Variants in ERG observed in about 807,000 individuals in gnomAD.
ERG encodes the protein ETS transcription factor ERG, also known as transcriptional regulator ERG.
In ERG, 9 loss-of-function variants were observed where a neutral mutation model predicts 55.3. That is an observed-to-expected ratio of 0.16 (90% CI 0.10 to 0.28). ERG has a LOEUF of 0.28. Ranked by LOEUF, ERG falls within the 10% of genes least tolerant of loss-of-function variation. The probability of loss-of-function intolerance (pLI) is 1.00; values close to 1 mark genes in which losing one functional copy is unlikely to be tolerated. For synonymous variants in ERG, 223 were observed against 237.3 expected (o/e 0.94, Z 0.55); for missense variants, 434 against 631.6 (o/e 0.69, Z 3.35).
At chr21:38,372,482 A>G in the ERG span, among the ~76,000 whole-genome samples, 78 of 151,982 alleles carry the variant, frequency 5.1e-4, no homozygotes, top group African/African-American at 1.9e-3. Context: ...ATTTAGGACT[A>G]TAAATTTCTA....
rs915901876 is a variant in ERG, at chr21:38,380,215, C to T, written c.*3188G>A. On this transcript the variant is annotated 3_prime_UTR_variant, in exon 10 of 10. Coordinates refer to ENST00000288319, the MANE Select transcript of ERG (RefSeq NM_182918.4). ...CTGTGCTTTCCCTGTGCCCCATCAC[C>T]TTCCCAGCTCCTGAGCTGTAGCCAT... 1 of 1,051,936 alleles carries T rather than the reference C, an allele frequency of 9.5e-7. No homozygotes were observed. Among genetic ancestry groups the T allele is most frequent in the Non-Finnish European group, 1.1e-6 (1 of 870,988 alleles). 65.2% of individuals were successfully genotyped at this position (1,051,936 alleles called of 1,614,324 possible).
chr21:38,462,462 C>T (rs181660502), intron 1 of ERG, among the ~76,000 whole-genome samples: 1 of 152,238 alleles, frequency 6.6e-6, no homozygotes, highest in African/African-American at 2.4e-5. Context: ...AGGTTTTAAG[C>T]TTGGCTAGGA....
chr21:38,533,858 A>G (rs565862676), intron 2 of ERG, among the ~76,000 whole-genome samples: 3 of 152,180 alleles, frequency 2.0e-5, no homozygotes, highest in Non-Finnish European at 4.4e-5. Context: ...CACAGTTTTT[A>G]TCCTCTTAAA....
At chr21:38,596,619 C>G (rs1568939283) in intron 1 of ERG, among the ~76,000 whole-genome samples, 1 of 152,216 alleles carries the variant, frequency 6.6e-6, no homozygotes, top group Non-Finnish European at 1.5e-5. Context: ...AATTCAACTA[C>G]ACAGGTACAT....
At chr21:38,568,912 C>A (rs1443696421) in intron 2 of ERG, among the ~76,000 whole-genome samples, 1 of 152,182 alleles carries the variant, frequency 6.6e-6, no homozygotes, top group Non-Finnish European at 1.5e-5. Context: ...CAGGAAGATC[C>A]TCTGCCAGGA....
rs201152530 is a variant in ERG, at chr21:38,445,538, G to T, written c.102C>A (p.Thr34=). ...GTCCATAGTCGCTGGAGGAGGACGC[G>T]GTCATCTCTGTCTTAGCCAGGTGTG... is the stretch of plus-strand genomic sequence containing the variant. ...GTPHLAKTEM[T]ASSSSDYGQT... is the part of the protein sequence containing the mutation. Residue 34 remains threonine, a synonymous_variant, in exon 2 of 10, where the codon ACC becomes ACA. Transcript: ENST00000288319. 28 of 1,614,036 alleles carry T rather than the reference G, an allele frequency of 1.7e-5. No individual in the cohort carries two copies. The highest frequency in any genetic ancestry group is 2.3e-5 in the Non-Finnish European group (27 of 1,180,012).
intron 1 of ERG, among the ~76,000 whole-genome samples, chr21:38,593,694 A>G (rs1456089044): frequency 1.3e-5 from 2 of 152,232 alleles, no homozygotes; most frequent in African/African-American, 2.4e-5. Context: ...CCAATTGGCA[A>G]TTAGCTAATA....
Position 38,498,304 on chromosome 21 carries a change from C to A in ERG, c.18+59G>T. On this transcript the variant is annotated intron_variant, in intron 1 of 9. Transcript: ENST00000288319. This position sits in a 1 kb window ranked among gnomAD's most constrained non-coding sequence, Gnocchi z 4.6. ...AACTTATCTGCCTTGATAAAGGAAA[C>A]CAAAGAAAAGAGTAACAAGAACAAG... 4 of 1,493,200 alleles carry A rather than the reference C, an allele frequency of 2.7e-6. No individual in the cohort carries two copies. Among genetic ancestry groups the A allele is most frequent in the Non-Finnish European group, 3.7e-6 (4 of 1,074,592 alleles). The allele number at this position is 1,493,200 out of a possible 1,614,324, so 92.5% of individuals were successfully genotyped here. A position where few individuals can be genotyped will look rare whatever the true frequency, so the allele number is the denominator to read the frequency against.
chr21:38,371,637 T>A, the ERG span, among the ~76,000 whole-genome samples: 1 of 152,072 alleles, frequency 6.6e-6, no homozygotes, highest in South Asian at 2.1e-4. Context: ...TTTTTTCCTA[T>A]AATGTTTTCA....
intron 1 of ERG, among the ~76,000 whole-genome samples, chr21:38,621,996 G>A (rs2060293427): frequency 6.6e-6 from 1 of 152,246 alleles, no homozygotes; most frequent in African/African-American, 2.4e-5. Context: ...AGCTGCTCAG[G>A]AAGGCAGCCT....
chr21:38,470,089 A>G (rs932020550), intron 1 of ERG, among the ~76,000 whole-genome samples: 1 of 152,174 alleles, frequency 6.6e-6, no homozygotes, highest in African/African-American at 2.4e-5. Flanking sequence ...CCCACTGCAC[A>G]GCTGCTGAAT....
At chr21:38,445,920 C>T (rs1017155683) in intron 1 of ERG, among the ~76,000 whole-genome samples, 4 of 151,810 alleles carry the variant, frequency 2.6e-5, no homozygotes, top group African/African-American at 9.7e-5. Flanking sequence ...TTTCAAAGGT[C>T]TTAGAAGACA....
chr21:38,621,088 A>C lies in ERG; in HGVS notation c.-149-36143T>G, dbSNP rs916268623. Reference sequence around the variant, plus strand: ...TTTTGGATACAGGAATTTGAGTGTGAAGGGAAGCCCAGGAATGCAACTATC... The same window carrying C: ...TTTTGGATACAGGAATTTGAGTGTGCAGGGAAGCCCAGGAATGCAACTATC... On this transcript the variant is annotated intron_variant, in intron 1 of 10. Coordinates refer to the ERG transcript ENST00000398910. Among the ~76,000 whole-genome samples, 12 of 152,228 alleles carry C rather than the reference A, an allele frequency of 7.9e-5. No homozygotes were observed. In the East Asian group the frequency reaches 1.7e-3, roughly 22 times the overall value.
In ERG at chr21:38,486,627, AC is replaced by A. The variant is rs995949850; in HGVS notation, c.18+11735del. Among the ~76,000 whole-genome samples, 13 of 152,364 alleles carry A rather than the reference AC, an allele frequency of 8.5e-5. No homozygotes were observed. In the East Asian group the frequency reaches 9.6e-4, roughly 11 times the overall value. Reference sequence around the variant, plus strand: ...GAAGATAATTGATTACTTCAAAAAAACAATTGAGATATGAGAGTAAATTAAA... The same window carrying A: ...GAAGATAATTGATTACTTCAAAAAAAAATTGAGATATGAGAGTAAATTAAA... On this transcript the variant is annotated intron_variant, in intron 1 of 9. Transcript: ENST00000288319.
At chr21:38,461,131 C>A (rs1049649233) in intron 1 of ERG, among the ~76,000 whole-genome samples, 23 of 152,186 alleles carry the variant, frequency 1.5e-4, no homozygotes, top group African/African-American at 5.5e-4. Context: ...GCTTAAGCAA[C>A]AGACATTTAT....
In ERG at chr21:38,381,258, C is replaced by A. The variant is rs2146406106; in HGVS notation, c.*2145G>T. The A allele has an allele frequency of 7.5e-6, 8 of 1,065,408 alleles. No individual in the cohort carries two copies. Among genetic ancestry groups the A allele is most frequent in the Admixed American group, 5.3e-5 (1 of 18,764 alleles). The allele number at this position is 1,065,408 out of a possible 1,614,324, so 66.0% of individuals were successfully genotyped here. A position where few individuals can be genotyped will look rare whatever the true frequency, so the allele number is the denominator to read the frequency against. On this transcript the variant is annotated 3_prime_UTR_variant, in exon 10 of 10. Transcript: ENST00000288319. ...GCTATGAAAAGGGCCAGTTCAGAAACCTATTCAGCTAAGATGTTTCGGCTA... is the reference window on the plus strand; with the variant it reads ...GCTATGAAAAGGGCCAGTTCAGAAAACTATTCAGCTAAGATGTTTCGGCTA...
At chr21:38,466,813 T>C (rs78189375) in intron 1 of ERG, among the ~76,000 whole-genome samples, 2,752 of 152,230 alleles carry the variant, frequency 0.018, 43 homozygotes, top group East Asian at 0.077. Flanking sequence ...TGTGAAGTCA[T>C]GTGAGGTCAT....
At chr21:38,423,373 C>T (rs968278966) in intron 3 of ERG, 37 bp downstream of exon 3, 52 of 1,584,770 alleles carry the variant, frequency 3.3e-5, no homozygotes, top group African/African-American at 2.4e-4. Context: ...GGGGAAGTTG[C>T]GATCTGCCGA....
At chr21:38,582,821 A>C (rs1312764219) in intron 1 of ERG, among the ~76,000 whole-genome samples, 1 of 151,870 alleles carries the variant, frequency 6.6e-6, no homozygotes, top group East Asian at 1.9e-4. Context: ...ATCTTGGCTC[A>C]CTGCAACCTC....
Sources: allele counts gnomAD v4.1 joint callset (sites outside exome capture counted in the v4.1 genomes callset), GRCh38; gene constraint gnomAD v4.1.1; non-coding constraint Gnocchi (gnomAD v3.1); transcripts MANE v1.5; gene names NCBI Gene and HGNC (gene_info 2026-07-23, HGNC 2026-07-21).